FRMD6: variants seen among roughly 807,000 people sequenced by gnomAD.
FRMD6 encodes FERM domain containing 6.
In FRMD6, 37 loss-of-function variants were observed where a neutral mutation model predicts 73.2. The ratio of observed to expected loss-of-function variants is 0.51; its 90% CI spans 0.39 to 0.66. The LOEUF is 0.66. Among genes scored for constraint, FRMD6 ranks in the 30% least tolerant of loss-of-function variants. The pLI, the probability that FRMD6 is intolerant of heterozygous loss-of-function variation, is 0.00. For missense variants in FRMD6, 714 were observed against 780.5 expected, an observed-to-expected ratio of 0.91 and a Z score of 1.02; for synonymous variants, 273 against 282.2, an observed-to-expected ratio of 0.97 and a Z score of 0.33.
the FRMD6 span, among the ~76,000 whole-genome samples, chr14:51,461,119 G>A: frequency 2.6e-5 from 4 of 152,174 alleles, no homozygotes; most frequent in East Asian, 1.9e-4. Flanking sequence ...AGCCACACAA[G>A]AGCTGTGTAT....
At chr14:51,426,112 AAT>A in the FRMD6 span, among the ~76,000 whole-genome samples, 1 of 152,104 alleles carries the variant, frequency 6.6e-6, no homozygotes, top group Non-Finnish European at 1.5e-5. Context: ...TTTCCTAACA[AAT>A]ATCCCATTTT....
intron 1 of FRMD6, among the ~76,000 whole-genome samples, chr14:51,498,489 A>G (rs1883429050): frequency 6.6e-6 from 1 of 152,150 alleles, no homozygotes; most frequent in Non-Finnish European, 1.5e-5. Context: ...GTTATTTCTC[A>G]TGATTCCATG....
chr14:51,549,022 G>C (rs965697755), intron 1 of FRMD6, among the ~76,000 whole-genome samples: 1 of 152,186 alleles, frequency 6.6e-6, no homozygotes, highest in African/African-American at 2.4e-5. Context: ...TTATCATTCT[G>C]TCTAGAAGGC....
At chr14:51,496,832 T>A (rs1883322214) in intron 1 of FRMD6, among the ~76,000 whole-genome samples, 1 of 152,332 alleles carries the variant, frequency 6.6e-6, no homozygotes, top group East Asian at 1.9e-4. Flanking sequence ...TCTTTATGTG[T>A]GTCTTAATGA....
intron 1 of FRMD6, among the ~76,000 whole-genome samples, chr14:51,673,415 A>T (rs528568732): frequency 6.6e-6 from 1 of 151,816 alleles, no homozygotes; most frequent in African/African-American, 2.4e-5. Context: ...TGCCTCCCAA[A>T]CTTTTCTCTT....
intron 1 of FRMD6, among the ~76,000 whole-genome samples, chr14:51,676,778 G>C (rs1894420634): frequency 6.6e-6 from 1 of 152,050 alleles, no homozygotes; most frequent in Non-Finnish European, 1.5e-5. Flanking sequence ...TAGAACCTTT[G>C]AAGTTCTCTG....
At chr14:51,465,897 G>C in the FRMD6 span, among the ~76,000 whole-genome samples, 1 of 152,108 alleles carries the variant, frequency 6.6e-6, no homozygotes, top group Non-Finnish European at 1.5e-5. Flanking sequence ...CTCCAAAGTG[G>C]TTGTACCATT....
intron 12 of FRMD6, among the ~76,000 whole-genome samples, chr14:51,723,071 G>A (rs7146901): frequency 0.29 from 43,508 of 152,080 alleles, 6,685 homozygotes; most frequent in African/African-American, 0.39. Context: ...GTAGCTGCAG[G>A]GAATCATCTC....
At chr14:51,486,392 A>T (rs1195776254), upstream of FRMD6, among the ~76,000 whole-genome samples, 1 of 152,188 alleles carries the variant, frequency 6.6e-6, no homozygotes, top group Non-Finnish European at 1.5e-5. Flanking sequence ...CTATCTAACT[A>T]TTAAGCATTA....
intron 2 of FRMD6, among the ~76,000 whole-genome samples, chr14:51,616,568 A>C (rs1309647041): frequency 6.6e-6 from 1 of 152,162 alleles, no homozygotes; most frequent in Non-Finnish European, 1.5e-5. Context: ...CCTCAGCAGC[A>C]GTGTTATGCT....
chr14:51,662,228 A>C (rs1893263113), intron 1 of FRMD6, among the ~76,000 whole-genome samples: 1 of 152,182 alleles, frequency 6.6e-6, no homozygotes, highest in African/African-American at 2.4e-5. Context: ...ATGGAGTACC[A>C]CACATAAGGT....
At chr14:51,421,735 C>A in the FRMD6 span, among the ~76,000 whole-genome samples, 1 of 152,246 alleles carries the variant, frequency 6.6e-6, no homozygotes, top group African/African-American at 2.4e-5. Context: ...TGAACCCCAG[C>A]TGGTCTATTT....
the FRMD6 span, among the ~76,000 whole-genome samples, chr14:51,417,749 C>G: frequency 2.0e-5 from 3 of 152,178 alleles, no homozygotes; most frequent in African/African-American, 4.8e-5. Context: ...AGAGTGTTTT[C>G]CAACTTGGTT....
intron 2 of FRMD6, among the ~76,000 whole-genome samples, chr14:51,646,148 C>G (rs1892055410): frequency 6.6e-6 from 1 of 151,748 alleles, no homozygotes; most frequent in South Asian, 2.1e-4. Flanking sequence ...GAAACCCCGT[C>G]TCTACTAAAA....
chr14:51,491,647 A>C (rs1041373430), intron 1 of FRMD6: 1 of 152,252 alleles, frequency 6.6e-6, no homozygotes, highest in African/African-American at 2.4e-5. Context: ...AAAACAAAAC[A>C]AAAAAATTTA....
At chr14:51,413,224 T>C in the FRMD6 span, among the ~76,000 whole-genome samples, 1 of 152,264 alleles carries the variant, frequency 6.6e-6, no homozygotes, top group South Asian at 2.1e-4. Flanking sequence ...GTTTGTTACA[T>C]AGGTATGCAT....
chr14:51,564,107 C>T (rs529571260), intron 1 of FRMD6, among the ~76,000 whole-genome samples: 1 of 152,298 alleles, frequency 6.6e-6, no homozygotes, highest in Non-Finnish European at 1.5e-5. Flanking sequence ...TTACTTCACA[C>T]CCCCACAGAT....
intron 1 of FRMD6, among the ~76,000 whole-genome samples, chr14:51,654,268 C>T (rs192234666): frequency 7.6e-6 from 1 of 132,312 alleles, no homozygotes; most frequent in Admixed American, 9.2e-5. Flanking sequence ...GTTACAAATT[C>T]TTAAAAAAAA....
chr14:51,510,268 A>G (rs919078348), intron 1 of FRMD6, among the ~76,000 whole-genome samples: 2 of 152,216 alleles, frequency 1.3e-5, no homozygotes, highest in Non-Finnish European at 2.9e-5. Context: ...TAAGAGGCAG[A>G]TAACTTGAGC....
Sources: allele counts gnomAD v4.1 joint callset (sites outside exome capture counted in the v4.1 genomes callset), GRCh38; gene constraint gnomAD v4.1.1; transcripts MANE v1.5; gene names NCBI Gene and HGNC (gene_info 2026-07-23, HGNC 2026-07-21).